IQCH: variants seen among roughly 807,000 people sequenced by gnomAD.
IQCH encodes the protein IQ domain-containing protein H.
IQCH carries 98 observed loss-of-function variants against 117.0 expected under a neutral mutation model. The ratio of observed to expected loss-of-function variants is 0.84; its 90% confidence interval spans 0.71 to 0.99. The LOEUF is 0.99. IQCH is among the 50% of genes least tolerant of loss of function. The pLI, the probability that IQCH is intolerant of heterozygous loss-of-function variation, is 0.00. For missense variants in IQCH, 1,102 were observed against 1,243.8 expected, an observed-to-expected ratio of 0.89 and a Z score of 1.72; for synonymous variants, 412 against 448.2, an observed-to-expected ratio of 0.92 and a Z score of 1.02.
chr15:67,307,012 C>T, intron 4 of IQCH: 1 of 1,336,330 alleles, frequency 7.5e-7, no homozygotes, highest in Non-Finnish European at 9.6e-7. Context: ...TATCTGTTAA[C>T]ATGAATTTTA....
In IQCH at chr15:67,417,132, T is replaced by A; in HGVS notation, c.2218+81T>A. ...AGTTTTGGGTCAACTGGGGCCAATTTAAATACTTTGCATCTCCTGTGTTGG... is the reference window on the plus strand; with the variant it reads ...AGTTTTGGGTCAACTGGGGCCAATTAAAATACTTTGCATCTCCTGTGTTGG... On this transcript the variant is annotated intron_variant, in intron 15 of 20. Coordinates refer to ENST00000335894, the MANE Select transcript of IQCH (RefSeq NM_001031715.3). The surrounding 1 kb of genome is among the most constrained non-coding windows in gnomAD (Gnocchi z 4.3). 2 of 1,227,930 alleles carry A rather than the reference T, an allele frequency of 1.6e-6. No homozygotes were observed. The highest frequency in any genetic ancestry group is 2.2e-6 in the Non-Finnish European group (2 of 905,154). The allele number at this position is 1,227,930 out of a possible 1,614,324, so 76.1% of individuals were successfully genotyped here. A position where few individuals can be genotyped will look rare whatever the true frequency, so the allele number is the denominator to read the frequency against.
intron 3 of IQCH, among the ~76,000 whole-genome samples, chr15:67,267,521 G>A (rs564288231): frequency 3.8e-4 from 58 of 152,304 alleles, no homozygotes; most frequent in African/African-American, 1.3e-3. Flanking sequence ...TCTACTACCC[G>A]GTTGCTATGA....
At position 67,462,716 on chromosome 15, in the gene IQCH, ATAT is replaced by A. The variant is rs1342370521; in HGVS notation, c.2506-2408_2506-2406del. Among the ~76,000 whole-genome samples, 7 of 152,228 alleles carry A rather than the reference ATAT, an allele frequency of 4.6e-5. No individual in the cohort carries two copies. In the East Asian group the frequency reaches 1.4e-3, roughly 29 times the overall value. On this transcript the variant is annotated intron_variant, in intron 16 of 20. Coordinates refer to ENST00000335894, the MANE Select transcript of IQCH (RefSeq NM_001031715.3). ...CAAAGCATTAATATTATTAACATAA[ATAT>A]TAATAATGTTTGTTATGTATGTTTC... is the stretch of plus-strand genomic sequence containing the variant.
At chr15:67,480,551 T>C (rs187581517) in intron 18 of IQCH, among the ~76,000 whole-genome samples, 4 of 152,256 alleles carry the variant, frequency 2.6e-5, no homozygotes, top group Admixed American at 2.6e-4. Context: ...TTTTGTTGAA[T>C]TACTGCAACA....
chr15:67,284,081 T>C (rs1966467641), intron 4 of IQCH, among the ~76,000 whole-genome samples: 1 of 152,140 alleles, frequency 6.6e-6, no homozygotes, highest in African/African-American at 2.4e-5. Flanking sequence ...ATTTTTAATG[T>C]ACAGTAAATT....
intron 3 of IQCH, among the ~76,000 whole-genome samples, chr15:67,278,281 A>G (rs923915459): frequency 2.0e-5 from 3 of 152,238 alleles, no homozygotes; most frequent in African/African-American, 7.2e-5. Flanking sequence ...TGGAAGCAGA[A>G]GCGGATTCTC....
chr15:67,355,322 C>T (rs1596246831), intron 6 of IQCH, among the ~76,000 whole-genome samples: 1 of 152,032 alleles, frequency 6.6e-6, no homozygotes, highest in Non-Finnish European at 1.5e-5. Flanking sequence ...CGCGGTGGCT[C>T]ACGCCTGTAA....
intron 4 of IQCH, among the ~76,000 whole-genome samples, chr15:67,321,841 G>A (rs950461384): frequency 2.0e-5 from 3 of 152,100 alleles, no homozygotes; most frequent in African/African-American, 7.2e-5. Flanking sequence ...ACTCTGTACA[G>A]TTTCAATCTT....
chr15:67,428,978 C>T (rs1048658481), intron 16 of IQCH, among the ~76,000 whole-genome samples: 1 of 152,046 alleles, frequency 6.6e-6, no homozygotes, highest in East Asian at 1.9e-4. Context: ...AATGAAGGCA[C>T]ATGGCCTCTA....
At position 67,416,841 on chromosome 15, in the gene IQCH, C is replaced by A; in HGVS notation, c.2098-90C>A. On this transcript the variant is annotated intron_variant, in intron 14 of 20. Coordinates refer to ENST00000335894, the MANE Select transcript of IQCH (RefSeq NM_001031715.3). The surrounding 1 kb of genome is among the most constrained non-coding windows in gnomAD (Gnocchi z 5.1). ...TAAACAGTAACCACATTTTTTTTGC[C>A]TGTTGGAGGCCTGGTTTTTAATCAC... 9.2e-7 allele frequency: 1 copy of A among 1,086,730 alleles called. No individual in the cohort carries two copies. The highest frequency in any genetic ancestry group is 1.6e-5 in the African/African-American group (1 of 61,074). The allele number at this position is 1,086,730 out of a possible 1,614,324, so 67.3% of individuals were successfully genotyped here. A position where few individuals can be genotyped will look rare whatever the true frequency, so the allele number is the denominator to read the frequency against.
In IQCH at chr15:67,453,490, C is replaced by G. The variant is rs928050345; in HGVS notation, c.2506-11637C>G. Among the ~76,000 whole-genome samples the G allele has an allele frequency of 6.6e-6, 1 of 152,234 alleles. No individual in the cohort carries two copies. The highest frequency in any genetic ancestry group is 2.4e-5 in the African/African-American group (1 of 41,464). On this transcript the variant is annotated intron_variant, in intron 16 of 20. Transcript: ENST00000335894. This position sits in a 1 kb window ranked among gnomAD's most constrained non-coding sequence, Gnocchi z 5.8. The stretch of plus-strand genomic sequence containing the variant: ...TCTGTTGGAGTTTGCTAGAAGTCCA[C>G]TCCAGACACTGTTTGCCTGGGTATC...
chr15:67,494,176 C>G lies in IQCH; in HGVS notation c.2862-82C>G, dbSNP rs753345621. 3.0e-5 allele frequency: 27 copies of G among 897,246 alleles called. No homozygotes were observed. The highest frequency in any genetic ancestry group is 4.4e-5 in the Non-Finnish European group (27 of 609,564). The allele number at this position is 897,246 out of a possible 1,614,324, so 55.6% of individuals were successfully genotyped here. On this transcript the variant is annotated intron_variant, in intron 19 of 20. Transcript: ENST00000335894. This position sits in a 1 kb window ranked among gnomAD's most constrained non-coding sequence, Gnocchi z 5.5. ...ATACTCATTAAATTCCATCACCAGACAGGCACAAATGAGAGGGCGATTGTT... is the reference window on the plus strand; with the variant it reads ...ATACTCATTAAATTCCATCACCAGAGAGGCACAAATGAGAGGGCGATTGTT...
At chr15:67,434,987 GTT>G (rs67509951) in intron 16 of IQCH, among the ~76,000 whole-genome samples, 2 of 145,026 alleles carry the variant, frequency 1.4e-5, no homozygotes, top group African/African-American at 5.2e-5. Flanking sequence ...TTGTATCTTT[GTT>G]TTTTTTTTAA....
intron 13 of IQCH, among the ~76,000 whole-genome samples, chr15:67,397,225 T>G (rs1377794967): frequency 6.6e-6 from 1 of 152,266 alleles, no homozygotes; most frequent in Non-Finnish European, 1.5e-5. Flanking sequence ...TGCCTTCATC[T>G]TCACTGAGGA....
intron 5 of IQCH, among the ~76,000 whole-genome samples, chr15:67,338,132 A>G (rs139672333): frequency 6.7e-4 from 102 of 152,254 alleles, no homozygotes; most frequent in Non-Finnish European, 1.1e-3. Context: ...CTTTAATACC[A>G]TCTTATATTC....
chr15:67,419,579 G>A (rs1321080779), intron 15 of IQCH, among the ~76,000 whole-genome samples: 2 of 152,034 alleles, frequency 1.3e-5, no homozygotes, highest in African/African-American at 2.4e-5. Context: ...TTTGAGATAG[G>A]GTCTCGCTCT....
At chr15:67,310,367 G>A (rs1182032914) in intron 4 of IQCH, among the ~76,000 whole-genome samples, 1 of 152,060 alleles carries the variant, frequency 6.6e-6, no homozygotes, top group Non-Finnish European at 1.5e-5. Context: ...TAGATAGGGT[G>A]TAGCTTTGTA....
rs914928453 is a variant in IQCH, at chr15:67,432,141, G to A, written c.2505+10564G>A. Among the ~76,000 whole-genome samples the A allele has an allele frequency of 6.6e-6, 1 of 151,942 alleles. No homozygotes were observed. The highest frequency in any genetic ancestry group is 1.5e-5 in the Non-Finnish European group (1 of 67,950). Reference sequence around the variant, plus strand: ...ATAGTTAATACTTTTTTTGAAAAAGGAAATTAAAGAAAATCCAAGCTTTAA... The same window carrying A: ...ATAGTTAATACTTTTTTTGAAAAAGAAAATTAAAGAAAATCCAAGCTTTAA... On this transcript the variant is annotated intron_variant, in intron 16 of 20. Coordinates refer to ENST00000335894, the MANE Select transcript of IQCH (RefSeq NM_001031715.3). The surrounding 1 kb of genome is among the most constrained non-coding windows in gnomAD (Gnocchi z 5.0).
rs2082329622 is a variant in IQCH, at chr15:67,443,555, G to C, written c.2506-21572G>C. 6.6e-6 allele frequency among the ~76,000 whole-genome samples: 1 copy of C among 152,118 alleles called. No homozygotes were observed. ...TTACTCATGTAACCAAATACCACCT[G>C]TACCCCAGTAACTTATGGACTAAAA... On this transcript the variant is annotated intron_variant, in intron 16 of 20. Coordinates refer to ENST00000335894, the MANE Select transcript of IQCH (RefSeq NM_001031715.3). The surrounding 1 kb of genome is among the most constrained non-coding windows in gnomAD (Gnocchi z 5.0).
Sources: allele counts gnomAD v4.1 joint callset (sites outside exome capture counted in the v4.1 genomes callset), GRCh38; gene constraint gnomAD v4.1.1; non-coding constraint Gnocchi (gnomAD v3.1); transcripts MANE v1.5; gene names NCBI Gene and HGNC (gene_info 2026-07-23, HGNC 2026-07-21).